ZBTB20: variants seen among roughly 807,000 people sequenced by gnomAD.
The protein encoded by ZBTB20 is zinc finger and BTB domain-containing protein 20.
Under a neutral mutation model 56.9 loss-of-function variants are expected in ZBTB20, and 9 were observed. The ratio of observed to expected loss-of-function variants is 0.16; its 90% CI spans 0.10 to 0.28. The LOEUF (loss-of-function observed/expected upper bound fraction) is 0.28. Ranked by LOEUF, ZBTB20 falls within the 10% of genes least tolerant of loss-of-function variation. The pLI, the probability that ZBTB20 is intolerant of heterozygous loss-of-function variation, is 1.00. For missense variants in ZBTB20, 655 were observed against 1,003.0 expected (o/e 0.65, Z 4.69); for synonymous variants, 417 against 420.7 (o/e 0.99, Z 0.11).
At chr3:114,509,586 T>A (rs1275065759) in intron 6 of ZBTB20, among the ~76,000 whole-genome samples, 1 of 152,120 alleles carries the variant, frequency 6.6e-6, no homozygotes, top group African/African-American at 2.4e-5. Context: ...AATGCACACA[T>A]CATACGTGCA....
At chr3:114,356,409 T>A (rs2081260380) in intron 10 of ZBTB20, among the ~76,000 whole-genome samples, 1 of 152,126 alleles carries the variant, frequency 6.6e-6, no homozygotes, top group Admixed American at 6.5e-5. Context: ...TCTTTCTCAA[T>A]CAGGAGAGCA....
intron 4 of ZBTB20, among the ~76,000 whole-genome samples, chr3:114,877,552 T>C (rs1484627698): frequency 1.3e-5 from 2 of 152,172 alleles, no homozygotes; most frequent in Admixed American, 1.3e-4. Context: ...ATTATTCAAG[T>C]CCAAATGTTC....
intron 3 of ZBTB20, among the ~76,000 whole-genome samples, chr3:114,955,561 C>A (rs1320777526): frequency 6.6e-6 from 1 of 152,150 alleles, no homozygotes; most frequent in Non-Finnish European, 1.5e-5. Flanking sequence ...GGGCCAAGTT[C>A]TCATCATCTT....
At chr3:114,414,359 C>T (rs1454009118) in intron 7 of ZBTB20, among the ~76,000 whole-genome samples, 3 of 152,004 alleles carry the variant, frequency 2.0e-5, no homozygotes, top group Non-Finnish European at 4.4e-5. Flanking sequence ...ATGAGAAACA[C>T]AAGAAATAGC....
At chr3:114,829,065 C>A (rs2073702526) in intron 4 of ZBTB20, among the ~76,000 whole-genome samples, 1 of 151,806 alleles carries the variant, frequency 6.6e-6, no homozygotes, top group South Asian at 2.1e-4. Flanking sequence ...GGTCTCAGAT[C>A]TCTTATAAAG....
intron 5 of ZBTB20, among the ~76,000 whole-genome samples, chr3:114,756,785 T>C (rs1180243097): frequency 1.3e-5 from 2 of 152,164 alleles, no homozygotes; most frequent in African/African-American, 4.8e-5. Flanking sequence ...AGAACTCTAA[T>C]TGAGTATTAG....
intron 4 of ZBTB20, among the ~76,000 whole-genome samples, chr3:114,880,835 C>T (rs2076370005): frequency 6.6e-6 from 1 of 152,038 alleles, no homozygotes; most frequent in African/African-American, 2.4e-5. Context: ...TTGCATAATC[C>T]TATGTTGTTG....
chr3:115,115,302 A>G (rs2083988537), intron 1 of ZBTB20, among the ~76,000 whole-genome samples: 2 of 151,990 alleles, frequency 1.3e-5, no homozygotes, highest in South Asian at 2.1e-4. Context: ...GACCACTCCA[A>G]TATTCTAAAA....
At position 114,320,833 on chromosome 3, in the gene ZBTB20, G is replaced by A. The variant is rs545996672; in HGVS notation, c.*18172C>T. On this transcript the variant is annotated 3_prime_UTR_variant, in exon 12 of 12. Transcript: ENST00000675478. ...TTATAAAAATAACCACAAATATAAA[G>A]AAATTATAATCAGGGCAACAGATTA... 3.5e-4 allele frequency: 53 copies of A among 152,120 alleles called. No individual in the cohort carries two copies. Among genetic ancestry groups the A allele is most frequent in the African/African-American group, 1.2e-3 (50 of 41,488 alleles). The allele number at this position is 152,120 out of a possible 1,614,324, so 9.4% of individuals were successfully genotyped here. A position where few individuals can be genotyped will look rare whatever the true frequency, so the allele number is the denominator to read the frequency against.
chr3:114,669,771 C>T (rs757761939), intron 6 of ZBTB20, among the ~76,000 whole-genome samples: 1 of 151,998 alleles, frequency 6.6e-6, no homozygotes, highest in Non-Finnish European at 1.5e-5. Context: ...TCTAATACAA[C>T]TCCTCTCTGA....
intron 6 of ZBTB20, among the ~76,000 whole-genome samples, chr3:114,572,031 T>C (rs1004452256): frequency 6.6e-6 from 1 of 152,204 alleles, no homozygotes; most frequent in Non-Finnish European, 1.5e-5. Context: ...AGGCATGATG[T>C]TATTTGACAT....
intron 5 of ZBTB20, among the ~76,000 whole-genome samples, chr3:114,752,522 T>C (rs1029538190): frequency 1.3e-5 from 2 of 152,210 alleles, no homozygotes; most frequent in Non-Finnish European, 2.9e-5. Flanking sequence ...ATGTTAACAA[T>C]GGTTTCTCTA....
intron 7 of ZBTB20, chr3:114,445,546 T>C (rs1439830119): frequency 6.6e-6 from 1 of 152,204 alleles, no homozygotes; most frequent in African/African-American, 2.4e-5. Flanking sequence ...ATGCAATTTG[T>C]TGTTATTTTA....
chr3:114,752,225 T>C (rs576981879), intron 5 of ZBTB20, among the ~76,000 whole-genome samples: 1 of 140,468 alleles, frequency 7.1e-6, no homozygotes, highest in Admixed American at 7.6e-5. Flanking sequence ...CAAGTCAGGA[T>C]TGGAACCCAA....
intron 6 of ZBTB20, among the ~76,000 whole-genome samples, chr3:114,584,697 C>G (rs557692333): frequency 7.2e-5 from 11 of 152,156 alleles, no homozygotes; most frequent in Non-Finnish European, 1.6e-4. Context: ...AAAGTTAAGC[C>G]TCATCACCAC....
chr3:114,978,875 A>T, intron 2 of ZBTB20, among the ~76,000 whole-genome samples: 1 of 151,914 alleles, frequency 6.6e-6, no homozygotes, highest in East Asian at 1.9e-4. Context: ...TTTATGTTTC[A>T]GGAAAGAAAA....
chr3:114,569,541 C>G (rs2053185909), intron 6 of ZBTB20, among the ~76,000 whole-genome samples: 1 of 152,164 alleles, frequency 6.6e-6, no homozygotes, highest in Admixed American at 6.6e-5. Context: ...AGTCAGGTCT[C>G]CTGGATTAGC....
chr3:115,029,868 G>A (rs1243390837), intron 2 of ZBTB20, among the ~76,000 whole-genome samples: 1 of 150,812 alleles, frequency 6.6e-6, no homozygotes, highest in Non-Finnish European at 1.5e-5. Context: ...AAAGGCAGAA[G>A]CCATAAAAAA....
At chr3:114,721,419 G>A (rs17682087) in intron 5 of ZBTB20, among the ~76,000 whole-genome samples, 8,597 of 152,198 alleles carry the variant, frequency 0.056, 370 homozygotes, top group Admixed American at 0.14. Context: ...CTTCGGTAGT[G>A]TCAGCAGAAA....
Sources: allele counts gnomAD v4.1 joint callset (sites outside exome capture counted in the v4.1 genomes callset), GRCh38; gene constraint gnomAD v4.1.1; transcripts MANE v1.5; gene names NCBI Gene and HGNC (gene_info 2026-07-23, HGNC 2026-07-21).